ARHGAP44: variants seen among roughly 807,000 people sequenced by gnomAD.
The protein encoded by ARHGAP44 is Rho GTPase activating protein 44, also known as rho GTPase-activating protein 44.
ARHGAP44 carries 43 observed loss-of-function variants against 106.8 expected under a neutral mutation model. That is an observed-to-expected ratio of 0.40 (90% CI 0.32 to 0.52). ARHGAP44 has a LOEUF of 0.52. Among genes scored for constraint, ARHGAP44 ranks in the 20% least tolerant of loss-of-function variants. ARHGAP44 has a pLI of 0.48. For missense variants in ARHGAP44, 866 were observed against 1,050.5 expected, an observed-to-expected ratio of 0.82 and a Z score of 2.43; for synonymous variants, 439 against 410.3, an observed-to-expected ratio of 1.07 and a Z score of -0.85.
intron 1 of ARHGAP44, among the ~76,000 whole-genome samples, chr17:12,841,639 C>CAAAA (rs1331198278): frequency 1.0e-4 from 14 of 137,458 alleles, no homozygotes; most frequent in African/African-American, 4.1e-4. Context: ...CACACACACA[C>CAAAA]AAACAAACAA....
chr17:12,960,582 A>G (rs2039237878), intron 16 of ARHGAP44, among the ~76,000 whole-genome samples: 1 of 151,976 alleles, frequency 6.6e-6, no homozygotes, highest in South Asian at 2.1e-4. Context: ...AAAAAAAGAA[A>G]GAGAGTCTCG....
intron 1 of ARHGAP44, among the ~76,000 whole-genome samples, chr17:12,886,844 A>G (rs758190402): frequency 1.3e-5 from 2 of 152,070 alleles, no homozygotes; most frequent in African/African-American, 4.8e-5. Flanking sequence ...GTAGGAGCAA[A>G]TGCACTTGCC....
chr17:12,974,434 T>A, intron 18 of ARHGAP44, 124 bp downstream of exon 18: 1 of 875,038 alleles, frequency 1.1e-6, no homozygotes, highest in Non-Finnish European at 1.6e-6. Flanking sequence ...TTCTAAGCAT[T>A]CATATTTGGC....
chr17:12,879,630 A>C (rs1451180330), intron 1 of ARHGAP44, among the ~76,000 whole-genome samples: 1 of 150,874 alleles, frequency 6.6e-6, no homozygotes, highest in East Asian at 1.9e-4. Flanking sequence ...TTACAGTTAA[A>C]ATTATATATA....
At chr17:12,830,029 A>G (rs1187453376) in intron 1 of ARHGAP44, among the ~76,000 whole-genome samples, 1 of 152,234 alleles carries the variant, frequency 6.6e-6, no homozygotes, top group Non-Finnish European at 1.5e-5. Flanking sequence ...GTTAGCCTTC[A>G]GTTAAGAACT....
intron 1 of ARHGAP44, among the ~76,000 whole-genome samples, chr17:12,833,004 A>G (rs1020951234): frequency 3.9e-5 from 6 of 152,364 alleles, no homozygotes; most frequent in South Asian, 2.1e-4. Flanking sequence ...ACTCATGAGC[A>G]TCACAGTTTC....
chr17:12,932,851 C>A (rs2038440978), intron 7 of ARHGAP44, among the ~76,000 whole-genome samples: 2 of 152,178 alleles, frequency 1.3e-5, no homozygotes, highest in South Asian at 4.2e-4. Context: ...TTTGCCTGCA[C>A]CTGAGACGAT....
intron 18 of ARHGAP44, among the ~76,000 whole-genome samples, chr17:12,978,770 C>T (rs11650537): frequency 0.4 from 59,883 of 150,890 alleles, 12,348 homozygotes; most frequent in Non-Finnish European, 0.45. Flanking sequence ...CTCACTGCAA[C>T]CTCCATCTCC....
chr17:12,884,516 C>T (rs2036828985), intron 1 of ARHGAP44, among the ~76,000 whole-genome samples: 1 of 152,132 alleles, frequency 6.6e-6, no homozygotes, highest in Non-Finnish European at 1.5e-5. Flanking sequence ...TATCTCAGTT[C>T]CATCTTCAAA....
rs571079005 is a variant in ARHGAP44 at position 12,942,081 on chromosome 17, G to A, written c.651+957G>A. Among the ~76,000 whole-genome samples the A allele has an allele frequency of 3.3e-5, 5 of 152,320 alleles. No individual in the cohort carries two copies. In the East Asian group the frequency reaches 9.6e-4, roughly 29 times the overall value. On this transcript the variant is annotated intron_variant, in intron 8 of 20. Coordinates refer to ENST00000379672, the MANE Select transcript of ARHGAP44 (RefSeq NM_014859.6). ...CATTAGTGGTTCAGAATGCAGAGAA[G>A]CCCCTTCTACTGGAAAAGGAGTTGA...
intron 10 of ARHGAP44, among the ~76,000 whole-genome samples, chr17:12,947,091 A>G (rs138354417): frequency 1.3e-5 from 2 of 152,174 alleles, no homozygotes; most frequent in African/African-American, 2.4e-5. Context: ...TGTCTTCCCA[A>G]TCTCTTTGGT....
At chr17:12,914,513 T>C (rs1054552809) in intron 4 of ARHGAP44, among the ~76,000 whole-genome samples, 7 of 152,006 alleles carry the variant, frequency 4.6e-5, no homozygotes, top group African/African-American at 9.7e-5. Flanking sequence ...GACATAATGA[T>C]AGAGTAAAAA....
intron 7 of ARHGAP44, among the ~76,000 whole-genome samples, chr17:12,931,868 ACACAC>A (rs2038413134): frequency 6.6e-6 from 1 of 151,580 alleles, no homozygotes; most frequent in Non-Finnish European, 1.5e-5. Flanking sequence ...ACACACACAC[ACACAC>A]ACACACATAT....
chr17:12,801,315 G>A (rs2034086822), intron 1 of ARHGAP44, among the ~76,000 whole-genome samples: 1 of 152,208 alleles, frequency 6.6e-6, no homozygotes, highest in African/African-American at 2.4e-5. Flanking sequence ...GTCCTCTGAC[G>A]GACACTTGTG....
At chr17:12,797,969 C>A (rs1282004387) in intron 1 of ARHGAP44, among the ~76,000 whole-genome samples, 1 of 152,072 alleles carries the variant, frequency 6.6e-6, no homozygotes, top group East Asian at 1.9e-4. Flanking sequence ...TGATTTGAAT[C>A]TTTTATTAAA....
chr17:12,836,383 C>T (rs1278683932), intron 1 of ARHGAP44, among the ~76,000 whole-genome samples: 1 of 152,128 alleles, frequency 6.6e-6, no homozygotes, highest in East Asian at 1.9e-4. Context: ...TGCGGTGGCT[C>T]ATACCTGTAA....
chr17:12,952,428 T>C, intron 12 of ARHGAP44, 73 bp from the exon 13 acceptor site: 1 of 1,183,816 alleles, frequency 8.4e-7, no homozygotes, highest in Non-Finnish European at 1.2e-6. Flanking sequence ...ATTACAATGA[T>C]TGGTTAATAT....
chr17:12,899,618 T>A (rs1309652060), intron 3 of ARHGAP44, among the ~76,000 whole-genome samples: 2 of 80,456 alleles, frequency 2.5e-5, no homozygotes, highest in South Asian at 8.4e-4. Flanking sequence ...GAAGGTGGGG[T>A]GGGAGGGAGG....
At chr17:12,823,954 T>A (rs1285114447) in intron 1 of ARHGAP44, among the ~76,000 whole-genome samples, 1 of 152,146 alleles carries the variant, frequency 6.6e-6, no homozygotes, top group African/African-American at 2.4e-5. Context: ...CCTGTGAGTC[T>A]TTCTTATTTG....
Sources: gnomAD v4.1 joint callset for allele counts (sites outside exome capture counted in the v4.1 genomes callset) on GRCh38, gnomAD v4.1.1 for gene constraint, MANE v1.5 for transcripts, NCBI Gene and HGNC (gene_info 2026-07-23, HGNC 2026-07-21) for gene names.